The following TMC4 variants were observed in gnomAD, a reference collection of about 807,000 sequenced individuals.
TMC4 encodes the protein transmembrane channel like 4, also known as voltage-gated chloride channel TMC4.
In TMC4, 70 loss-of-function variants were observed where a neutral mutation model predicts 82.0. The ratio of observed to expected loss-of-function variants is 0.85; its 90% CI spans 0.70 to 1.04. The LOEUF (loss-of-function observed/expected upper bound fraction) is 1.04. Ranked by LOEUF, TMC4 falls within the 50% of genes least tolerant of loss-of-function variation. TMC4 has a pLI of 0.00. For synonymous variants in TMC4, 446 were observed against 406.0 expected, an observed-to-expected ratio of 1.10 and a Z score of -1.18; for missense variants, 879 against 899.0, an observed-to-expected ratio of 0.98 and a Z score of 0.28.
intron 8 of TMC4, among the ~76,000 whole-genome samples, chr19:54,163,457 C>G (rs1215452028): frequency 6.6e-6 from 1 of 151,820 alleles, no homozygotes; most frequent in Non-Finnish European, 1.5e-5. Flanking sequence ...ACTACAGAAG[C>G]CACTACCGCC....
chr19:54,169,413 C>T, intron 3 of TMC4, 99 bp downstream of exon 3: 1 of 1,467,544 alleles, frequency 6.8e-7, no homozygotes, highest in Non-Finnish European at 9.1e-7. Context: ...GGCCCAAGCC[C>T]CTCCTCCCTC....
chr19:54,171,088 T>C (rs1003096907), intron 2 of TMC4, among the ~76,000 whole-genome samples: 20 of 35,656 alleles, frequency 5.6e-4, no homozygotes, highest in Non-Finnish European at 9.5e-4. Flanking sequence ...TATGTGTATA[T>C]ATATACACAC....
chr19:54,162,261 C>G lies in TMC4; in HGVS notation c.1527G>C (p.Gly509=), dbSNP rs375250638. 2 of 1,602,142 alleles carry G rather than the reference C, an allele frequency of 1.2e-6. No individual in the cohort carries two copies. The highest frequency in any genetic ancestry group is 2.7e-5 in the African/African-American group (2 of 74,530). ...GGGTCCCCGCCAGACGACCCAGCGC[C>G]CCAGGACAGAGGCCACAGAGGAGCC... The part of the protein sequence containing the change: ...PRKLLCGLCP[G]ALGRLAGTQE... The change falls in exon 11 of 15, where the codon GGG becomes GGC. Residue 509 remains glycine, a synonymous_variant. Transcript: ENST00000619895.
chr19:54,165,421 T>G lies in TMC4; in HGVS notation c.943A>C (p.Lys315Gln). Residue 315 changes from lysine to glutamine, a missense_variant and splice_region_variant, in exon 6 of 15, where the codon AAG becomes CAG. Coordinates refer to ENST00000619895, the MANE Select transcript of TMC4 (RefSeq NM_144686.4). ...LRQRIILYEL[K>Q]VELEETVVRR... is the part of the protein sequence containing the mutation. ...CAGACCCCGCTCCCTAATCGCACCT[T>G]TAATTCGTACAAGATGATGCGCTGG... 1 of 1,597,838 alleles carries G rather than the reference T, an allele frequency of 6.3e-7. No individual in the cohort carries two copies. The highest frequency in any genetic ancestry group is 8.6e-7 in the Non-Finnish European group (1 of 1,167,540).
Position 54,160,336 on chromosome 19 carries a change from C to T in TMC4, c.2091G>A (p.Val697=). The change falls in exon 15 of 15, where the codon GTG becomes GTA. Residue 697 remains valine (V), a synonymous_variant. Coordinates refer to ENST00000619895, the MANE Select transcript of TMC4 (RefSeq NM_144686.4). The part of the protein sequence containing the change: ...QNKVFLARRA[V]ALTSTKPAL ...GAGCCGGTTTGGTGGAGGTCAGCGC[C>T]ACAGCGCGCCGTGCCAGGAAGACTT... The T allele has an allele frequency of 6.6e-7, 1 of 1,523,494 alleles. No individual in the cohort carries two copies. Among genetic ancestry groups the T allele is most frequent in the Non-Finnish European group, 8.8e-7 (1 of 1,136,352 alleles). The allele number at this position is 1,523,494 out of a possible 1,614,324, so 94.4% of individuals were successfully genotyped here. A position where few individuals can be genotyped will look rare whatever the true frequency, so the allele number is the denominator to read the frequency against.
intron 11 of TMC4, 40 bp from the exon 12 acceptor site, chr19:54,161,300 AAG>A (rs1324331054): frequency 1.9e-5 from 27 of 1,452,100 alleles, no homozygotes; most frequent in Non-Finnish European, 2.5e-5. Flanking sequence ...TCTGAAACAC[AAG>A]AGTCTGTGCC....
Position 54,168,612 on chromosome 19 carries a change from C to A in TMC4, c.511G>T (p.Ala171Ser). 1 of 1,596,190 alleles carries A rather than the reference C, an allele frequency of 6.3e-7. No individual in the cohort carries two copies. The change falls in exon 4 of 15, where the codon GCC (alanine) becomes TCC (serine). Residue 171 changes from alanine (A) to serine (S), a missense_variant. Coordinates refer to ENST00000619895, the MANE Select transcript of TMC4 (RefSeq NM_144686.4). ...LRFLLLLNVL[A>S]SVLMACMTLL... ...GTCATGCAGGCCATGAGCACAGAGG[C>A]CAGCACGTTAAGAAGGAGCAGGAAG...
intron 6 of TMC4, 77 bp from the exon 7 acceptor site, chr19:54,164,678 C>T (rs761406792): frequency 6.3e-7 from 1 of 1,575,804 alleles, no homozygotes; most frequent in South Asian, 1.1e-5. Flanking sequence ...TCTGGCTCTC[C>T]AGAGATCCTC....
rs2146871920 is a variant in TMC4 at position 54,162,733 on chromosome 19, A to T, written c.1442T>A (p.Leu481His). Reference sequence around the variant, plus strand: ...GACAGTCAGCAGATCAAAGAGCAGAAGTTTGTACATTTCCTGGCCCAGGAC... The same window carrying T: ...GACAGTCAGCAGATCAAAGAGCAGATGTTTGTACATTTCCTGGCCCAGGAC... ...ETVLGQEMYK[L>H]LLFDLLTVLA... is the part of the protein sequence containing the mutation. The change falls in exon 10 of 15, where the codon CTT becomes CAT. Residue 481 changes from leucine to histidine, a missense_variant. Physicochemically the swap from Leu to His is moderately conservative, Grantham distance 99 (BLOSUM62 -3). Transcript: ENST00000619895. 6.2e-7 allele frequency: 1 copy of T among 1,614,094 alleles called. No homozygotes were observed. The highest frequency in any genetic ancestry group is 1.7e-4 in the Middle Eastern group (1 of 6,060).
intron 6 of TMC4, 27 bp downstream of exon 6, chr19:54,165,392 G>A (rs756014179): frequency 2.2e-5 from 34 of 1,576,316 alleles, no homozygotes; most frequent in Non-Finnish European, 2.8e-5. Context: ...TCCCTACCCA[G>A]TTGCAGACCC....
chr19:54,167,141 T>A (rs2075725156), intron 5 of TMC4, among the ~76,000 whole-genome samples: 1 of 152,008 alleles, frequency 6.6e-6, no homozygotes, highest in Non-Finnish European at 1.5e-5. Context: ...TGCACCCCTG[T>A]GGTCCCAGCT....
Position 54,160,378 on chromosome 19 carries a change from G to A in TMC4, c.2053-4C>T, listed in dbSNP as rs376706451. 1.9e-6 allele frequency: 3 copies of A among 1,546,204 alleles called. No individual in the cohort carries two copies. The highest frequency in any genetic ancestry group is 2.6e-6 in the Non-Finnish European group (3 of 1,144,594). Reference sequence around the variant, plus strand: ...GGAAGACTTTATTCTGCGCCTCCTGGGGCAAAGAGAGGTGGAGGTGAGACA... The same window carrying A: ...GGAAGACTTTATTCTGCGCCTCCTGAGGCAAAGAGAGGTGGAGGTGAGACA... On this transcript the variant is annotated splice_region_variant and splice_polypyrimidine_tract_variant and intron_variant, in intron 14 of 14. Coordinates refer to ENST00000619895, the MANE Select transcript of TMC4 (RefSeq NM_144686.4).
In TMC4 at chr19:54,171,879, C is replaced by T. The variant is rs760679108; in HGVS notation, c.284G>A (p.Arg95Gln). The change falls in exon 2 of 15, where the codon CGG (arginine) becomes CAG (glutamine). Residue 95 changes from arginine to glutamine, a missense_variant. Physicochemically the swap from Arg to Gln is conservative, Grantham distance 43. Coordinates refer to ENST00000619895, the MANE Select transcript of TMC4 (RefSeq NM_144686.4). ...RELPWPMQAR[R>Q]AHRQRNASRD... The stretch of plus-strand genomic sequence containing the variant: ...GGAGGTGGGGCCTCACCTGTGTGCC[C>T]GTCTGGCCTGCATGGGCCAGGGCAG... 46 of 1,604,002 alleles carry T rather than the reference C, an allele frequency of 2.9e-5. No individual in the cohort carries two copies. The highest frequency in any genetic ancestry group is 3.2e-5 in the Non-Finnish European group (38 of 1,174,722).
rs749764878 is a variant in TMC4 at position 54,163,091 on chromosome 19, C to T, written c.1346G>A (p.Gly449Glu). 1.1e-5 allele frequency: 18 copies of T among 1,613,764 alleles called. No homozygotes were observed. The highest frequency in any genetic ancestry group is 1.4e-5 in the Non-Finnish European group (17 of 1,179,990). Reference protein sequence around the residue: ...LFSLWNQITCGGDSEAEDCKT... With the variant: ...LFSLWNQITCEGDSEAEDCKT... ...GCAGTCCTCAGCCTCGGAGTCGCCC[C>T]CACAAGTGATCTGATTCCAGAGAGA... The change falls in exon 9 of 15, where the codon GGG becomes GAG. Residue 449 changes from glycine (G) to glutamate (E), a missense_variant. Coordinates refer to ENST00000619895, the MANE Select transcript of TMC4 (RefSeq NM_144686.4).
In TMC4 at chr19:54,165,585, G is replaced by A; in HGVS notation, c.798-19C>T. ...CACCGAGCTGAGAGGGGAGACCCGGGAGACGGGAAGTGAAAGGACAGCCAG... is the reference window on the plus strand; with the variant it reads ...CACCGAGCTGAGAGGGGAGACCCGGAAGACGGGAAGTGAAAGGACAGCCAG... On this transcript the variant is annotated intron_variant, in intron 5 of 14. Coordinates refer to ENST00000619895, the MANE Select transcript of TMC4 (RefSeq NM_144686.4). 1 of 1,589,062 alleles carries A rather than the reference G, an allele frequency of 6.3e-7. No homozygotes were observed. Among genetic ancestry groups the A allele is most frequent in the Non-Finnish European group, 8.6e-7 (1 of 1,162,804 alleles).
chr19:54,160,601 C>A (rs1211084568), intron 13 of TMC4, 56 bp from the exon 14 acceptor site: 2 of 1,611,802 alleles, frequency 1.2e-6, no homozygotes, highest in Non-Finnish European at 1.7e-6. Context: ...TATATCCAAA[C>A]GTCTGGCTCC....
Position 54,161,235 on chromosome 19 carries a change from G to T in TMC4, c.1712C>A (p.Pro571Gln). 6.4e-7 allele frequency: 1 copy of T among 1,563,566 alleles called. No individual in the cohort carries two copies. Residue 571 changes from proline (P) to glutamine (Q), a missense_variant, in exon 12 of 15, where the codon CCG (proline) becomes CAG (glutamine). Coordinates refer to ENST00000619895, the MANE Select transcript of TMC4 (RefSeq NM_144686.4). ...GGAGGCCCGGAAGGTGCGGGCAGCC[G>T]GGGAGCAGGTGGAGAAGAGGGTAAG... ...KKLTLFSTCS[P>Q]AARTFRASAA...
rs373751082 is a variant in TMC4 at position 54,166,353 on chromosome 19, G to GAGAA, written c.798-791_798-788dup. Among the ~76,000 whole-genome samples, 933 of 147,384 alleles carry GAGAA rather than the reference G, an allele frequency of 6.3e-3. 9 individuals are homozygous for GAGAA. The highest frequency in any genetic ancestry group is 0.022 in the African/African-American group (873 of 39,962). On this transcript the variant is annotated intron_variant, in intron 5 of 14. Coordinates refer to ENST00000619895, the MANE Select transcript of TMC4 (RefSeq NM_144686.4). ...AAAAAAAAAAAAAAAAAAAGACCCA[G>GAGAA]AGAAGACGGGCAGGTAAAGAGACTC...
chr19:54,162,624 C>G (rs2289146), intron 10 of TMC4, 49 bp downstream of exon 10: 476,592 of 1,433,458 alleles, frequency 0.33, 80,448 homozygotes, highest in African/African-American at 0.36. Flanking sequence ...CGATGGGGCA[C>G]GGCCTCGTCC....
Sources: gnomAD v4.1 joint callset for allele counts (sites outside exome capture counted in the v4.1 genomes callset) on GRCh38, gnomAD v4.1.1 for gene constraint, MANE v1.5 for transcripts, NCBI Gene and HGNC (gene_info 2026-07-23, HGNC 2026-07-21) for gene names.